The following KLF8 variants were observed in gnomAD, a reference collection of about 807,000 sequenced individuals.
KLF8 encodes KLF transcription factor 8, also known as Krueppel-like factor 8.
A neutral mutation model predicts 18.2 loss-of-function variants in KLF8; 10 were observed. That is an observed-to-expected ratio of 0.55 (90% CI 0.34 to 0.93). KLF8 has a LOEUF of 0.93. KLF8 is among the 40% of genes least tolerant of loss of function. The pLI is 0.02. For missense variants in KLF8, 264 were observed against 277.9 expected, an observed-to-expected ratio of 0.95 and a Z score of 0.36; for synonymous variants, 109 against 97.3, an observed-to-expected ratio of 1.12 and a Z score of -0.71.
the KLF8 span, among the ~76,000 whole-genome samples, chrX:56,162,528 G>C: frequency 9.0e-6 from 1 of 111,561 alleles, no homozygotes; most frequent in Non-Finnish European, 1.9e-5. Context: ...CTGCTGTGCT[G>C]GCAATGAGCG....
the KLF8 span, among the ~76,000 whole-genome samples, chrX:56,004,795 G>C: frequency 2.7e-5 from 3 of 111,280 alleles, no homozygotes; most frequent in Non-Finnish European, 3.8e-5. Context: ...AGTGAATCTG[G>C]AGGACAAAAT....
chrX:56,176,556 T>G, the KLF8 span, among the ~76,000 whole-genome samples: 1 of 111,333 alleles, frequency 9.0e-6, no homozygotes, highest in Non-Finnish European at 1.9e-5. Context: ...CATTTCAACT[T>G]TGGTGAATCT....
At chrX:56,120,530 C>A in the KLF8 span, among the ~76,000 whole-genome samples, 1 of 111,522 alleles carries the variant, frequency 9.0e-6, no homozygotes, top group Non-Finnish European at 1.9e-5. Context: ...AAAAATGTCC[C>A]CAGCCTGAAT....
the KLF8 span, among the ~76,000 whole-genome samples, chrX:56,174,692 T>A: frequency 1.8e-5 from 2 of 112,018 alleles, no homozygotes; most frequent in South Asian, 7.4e-4. Flanking sequence ...TCCTTGTACC[T>A]GTGGTAGATT....
chrX:56,122,212 A>AT, the KLF8 span, among the ~76,000 whole-genome samples: 1 of 111,469 alleles, frequency 9.0e-6, no homozygotes, highest in South Asian at 3.8e-4. Context: ...ACTGACATAT[A>AT]TGAAAAAAAC....
chrX:56,015,418 G>A, the KLF8 span, among the ~76,000 whole-genome samples: 3 of 111,698 alleles, frequency 2.7e-5, no homozygotes, highest in Admixed American at 9.5e-5. Flanking sequence ...AAATAACATC[G>A]CATTTTTGTT....
chrX:56,059,401 G>C, the KLF8 span, among the ~76,000 whole-genome samples: 1 of 111,845 alleles, frequency 8.9e-6, no homozygotes, highest in Non-Finnish European at 1.9e-5. Context: ...CATTGCTTTT[G>C]GTGTTTTAGT....
the KLF8 span, among the ~76,000 whole-genome samples, chrX:56,115,142 G>A: frequency 5.4e-5 from 6 of 110,548 alleles, no homozygotes; most frequent in Non-Finnish European, 7.6e-5. Flanking sequence ...GGCCAGGCAC[G>A]CTGGCATGTG....
At chrX:56,061,651 G>A in the KLF8 span, among the ~76,000 whole-genome samples, 39 of 111,606 alleles carry the variant, frequency 3.5e-4, no homozygotes, top group South Asian at 5.6e-3. Flanking sequence ...TTGATATGGC[G>A]TGGAGAGTTC....
the KLF8 span, among the ~76,000 whole-genome samples, chrX:55,992,416 G>T: frequency 9.0e-6 from 1 of 111,666 alleles, no homozygotes; most frequent in Non-Finnish European, 1.9e-5. Context: ...GTAGGTATGT[G>T]GCTTTATTTC....
chrX:55,961,313 A>AGATGGG, the KLF8 span: 1 of 415,541 alleles, frequency 2.4e-6, no homozygotes, highest in East Asian at 5.2e-5. Context: ...ACCTATGTGG[A>AGATGGG]GATGGGACTT....
chrX:55,910,202 GTTA>G, the KLF8 span, among the ~76,000 whole-genome samples: 1 of 111,667 alleles, frequency 9.0e-6, no homozygotes, highest in Non-Finnish European at 1.9e-5. Flanking sequence ...ATTACATTGT[GTTA>G]TTATATTCAT....
chrX:56,166,387 T>C, the KLF8 span, among the ~76,000 whole-genome samples: 2 of 111,872 alleles, frequency 1.8e-5, no homozygotes, highest in Non-Finnish European at 3.8e-5. Flanking sequence ...AACAGTTTAA[T>C]TGACCATTGC....
the KLF8 span, among the ~76,000 whole-genome samples, chrX:56,013,102 G>A: frequency 8.9e-6 from 1 of 112,391 alleles, no homozygotes; most frequent in Non-Finnish European, 1.9e-5. Flanking sequence ...ACAAGCAATG[G>A]GGAAAGGATT....
the KLF8 span, among the ~76,000 whole-genome samples, chrX:56,011,192 T>G: frequency 1.8e-5 from 2 of 112,265 alleles, no homozygotes; most frequent in Admixed American, 1.9e-4. Context: ...CACATGGCAC[T>G]GACTCTAAAA....
At chrX:56,261,697 T>G (rs903571132) in intron 2 of KLF8, among the ~76,000 whole-genome samples, 2 of 110,580 alleles carry the variant, frequency 1.8e-5, no homozygotes, top group African/African-American at 6.6e-5. Flanking sequence ...GGTGTTGGGG[T>G]TTTTTTTAAC....
chrX:56,185,345 G>GCAAA, the KLF8 span, among the ~76,000 whole-genome samples: 1 of 111,763 alleles, frequency 8.9e-6, no homozygotes, highest in African/African-American at 3.3e-5. Context: ...AAAGAAATGT[G>GCAAA]CAAAGCCTCC....
chrX:56,140,721 T>C, the KLF8 span, among the ~76,000 whole-genome samples: 1 of 101,103 alleles, frequency 9.9e-6, no homozygotes, highest in Non-Finnish European at 2.0e-5. Context: ...TTAACCCATA[T>C]ATGAAACCTG....
chrX:56,127,486 C>G, the KLF8 span, among the ~76,000 whole-genome samples: 16 of 110,187 alleles, frequency 1.5e-4, no homozygotes, highest in Non-Finnish European at 2.6e-4. Flanking sequence ...CATGGTGAGA[C>G]CCTGTCTTTA....
Sources: allele counts gnomAD v4.1 joint callset (sites outside exome capture counted in the v4.1 genomes callset), GRCh38; gene constraint gnomAD v4.1.1; transcripts MANE v1.5; gene names NCBI Gene and HGNC (gene_info 2026-07-23, HGNC 2026-07-21).